RHPN1: variants seen among roughly 807,000 people sequenced by gnomAD.
RHPN1 encodes rhophilin Rho GTPase binding protein 1, also known as rhophilin-1.
A neutral mutation model predicts 74.7 loss-of-function variants in RHPN1; 77 were observed. That is an observed-to-expected ratio of 1.03 (90% CI 0.86 to 1.25). RHPN1 has a LOEUF of 1.25. Ranked by LOEUF, RHPN1 falls within the 50% of genes most tolerant of loss-of-function variation. The pLI, the probability that RHPN1 is intolerant of heterozygous loss-of-function variation, is 0.00. For synonymous variants in RHPN1, 444 were observed against 414.5 expected (o/e 1.07, Z -0.87); for missense variants, 987 against 932.2 (o/e 1.06, Z -0.77).
In RHPN1 at chr8:143,381,323, G is replaced by A. The variant is rs1482791450; in HGVS notation, c.1467G>A (p.Gly489=). 1 of 1,612,142 alleles carries A rather than the reference G, an allele frequency of 6.2e-7. No homozygotes were observed. Among genetic ancestry groups the A allele is most frequent in the Admixed American group, 1.7e-5 (1 of 59,854 alleles). Residue 489 remains glycine, a synonymous_variant, in exon 12 of 15, where the codon GGG becomes GGA. Coordinates refer to ENST00000289013, the MANE Select transcript of RHPN1 (RefSeq NM_052924.3). ...ARMPRLSQGK[G]PDIFHRLGPL... is the part of the protein sequence containing the mutation. ...TGCCACGCCTGTCCCAGGGGAAGGG[G>A]CCTGACATCTTCCATCGGCTGGTGA...
At position 143,382,331 on chromosome 8, in the gene RHPN1, C is replaced by T. The variant is rs1298543570; in HGVS notation, c.1798-105C>T. 11 of 1,010,976 alleles carry T rather than the reference C, an allele frequency of 1.1e-5. No individual in the cohort carries two copies. The East Asian group carries it at 2.4e-4, about 22-fold the overall frequency. The allele number at this position is 1,010,976 out of a possible 1,614,324, so 62.6% of individuals were successfully genotyped here. On this transcript the variant is annotated intron_variant, in intron 14 of 14. Transcript: ENST00000289013. ...TGATGGGAGCCCCCAAACAAGCCCC[C>T]GACGTGCCAGCCCCTCCCAGGTGGT...
Position 143,379,467 on chromosome 8 carries a change from G to A in RHPN1, c.904G>A (p.Asp302Asn), listed in dbSNP as rs1343912462. 1.9e-6 allele frequency: 3 copies of A among 1,569,174 alleles called. No homozygotes were observed. The South Asian group carries it at 3.5e-5, about 18-fold the overall frequency. The change falls in exon 8 of 15, where the codon GAC becomes AAC. Residue 302 changes from aspartate to asparagine, a missense_variant. Coordinates refer to ENST00000289013, the MANE Select transcript of RHPN1 (RefSeq NM_052924.3). Reference protein sequence around the residue: ...LSPPASMAPQDCLAQLRLAQE... With the variant: ...LSPPASMAPQNCLAQLRLAQE... The stretch of plus-strand genomic sequence containing the variant: ...ACCACCTGCCTCCATGGCCCCCCAA[G>A]ACTGCCTGGCCCAGCTGCGCCTGGC...
rs769635387 is a variant in RHPN1 at position 143,380,682 on chromosome 8, G to T, written c.1310G>T (p.Arg437Leu). 1.3e-6 allele frequency: 2 copies of T among 1,580,908 alleles called. No individual in the cohort carries two copies. Among genetic ancestry groups the T allele is most frequent in the East Asian group, 4.7e-5 (2 of 42,976 alleles). Residue 437 changes from arginine (R) to leucine (L), a missense_variant, in exon 11 of 15, where the codon CGG becomes CTG. Transcript: ENST00000289013. ...CRVLREVDLL[R>L]AVISQTLQRS... Reference sequence around the variant, plus strand: ...GTCCTGCGCGAGGTGGACCTGCTTCGGGCTGTGATCTCCCAGACGCTGCAG... The same window carrying T: ...GTCCTGCGCGAGGTGGACCTGCTTCTGGCTGTGATCTCCCAGACGCTGCAG...
Position 143,378,357 on chromosome 8 carries a change from C to CGGGGGGGCG in RHPN1, c.459+11_459+12insGGGGGGGCG. The stretch of plus-strand genomic sequence containing the variant: ...GAGGCCCTGCGGCAGGTGTGTGGTT[C>CGGGGGGGCG]CCCCGCCCACCCACCCTCCTGCAGC... On this transcript the variant is annotated intron_variant, in intron 5 of 14. Coordinates refer to ENST00000289013, the MANE Select transcript of RHPN1 (RefSeq NM_052924.3). The CGGGGGGGCG allele has an allele frequency of 6.6e-7, 1 of 1,520,944 alleles. No homozygotes were observed. The highest frequency in any genetic ancestry group is 8.9e-7 in the Non-Finnish European group (1 of 1,127,160). 94.2% of individuals were successfully genotyped at this position (1,520,944 alleles called of 1,614,324 possible). A position where few individuals can be genotyped will look rare whatever the true frequency, so the allele number is the denominator to read the frequency against.
At chr8:143,372,815 T>G (rs1036612646) in intron 1 of RHPN1, among the ~76,000 whole-genome samples, 2 of 53,830 alleles carry the variant, frequency 3.7e-5, no homozygotes, top group African/African-American at 8.7e-5. Context: ...GTCCAGCAGA[T>G]GGCGCAGGGG....
Position 143,380,638 on chromosome 8 carries a change from G to A in RHPN1, c.1266G>A (p.Arg422=), listed in dbSNP as rs1321631294. The A allele has an allele frequency of 3.2e-6, 5 of 1,558,698 alleles. No individual in the cohort carries two copies. The highest frequency in any genetic ancestry group is 2.7e-5 in the African/African-American group (2 of 73,554). ...TCCTGGGGCAGGAGGAGGCGCTGCG[G>A]CTGCACGCCCTGTGCCGCGTCCTGC... ...RAILGQEEAL[R]LHALCRVLRE... is the part of the protein sequence containing the mutation. The change falls in exon 11 of 15, where the codon CGG becomes CGA. Residue 422 remains arginine, a synonymous_variant. Coordinates refer to ENST00000289013, the MANE Select transcript of RHPN1 (RefSeq NM_052924.3).
rs1291169201 is a variant in RHPN1, at chr8:143,383,480, G to A, written c.*829G>A. 6.6e-6 allele frequency: 1 copy of A among 152,334 alleles called. No individual in the cohort carries two copies. Among genetic ancestry groups the A allele is most frequent in the Non-Finnish European group, 1.5e-5 (1 of 68,120 alleles). 9.4% of individuals were successfully genotyped at this position (152,334 alleles called of 1,614,324 possible). On this transcript the variant is annotated 3_prime_UTR_variant, in exon 15 of 15. Coordinates refer to ENST00000289013, the MANE Select transcript of RHPN1 (RefSeq NM_052924.3). ...CCTCCACAGGCCGTGAGCTGTCAGT[G>A]TCTCAAGCAGGGGAAGTGAGGGCTG... is the stretch of plus-strand genomic sequence containing the variant.
chr8:143,373,441 G>A (rs1343814835), intron 1 of RHPN1, among the ~76,000 whole-genome samples: 1 of 6,748 alleles, frequency 1.5e-4, no homozygotes, highest in Non-Finnish European at 4.4e-4. Context: ...CGGTGTGGGG[G>A]TTTGGGGATG....
chr8:143,374,061 T>C (rs781134083), intron 1 of RHPN1: 23 of 942,648 alleles, frequency 2.4e-5, no homozygotes, highest in Non-Finnish European at 2.7e-5. Flanking sequence ...CAAACCTTTC[T>C]TGTATAATGG....
At chr8:143,371,883 C>G (rs1032999025) in intron 1 of RHPN1, among the ~76,000 whole-genome samples, 1 of 152,204 alleles carries the variant, frequency 6.6e-6, no homozygotes, top group Non-Finnish European at 1.5e-5. Context: ...GTGTCTATGC[C>G]CCTTCCACTG....
Position 143,384,138 on chromosome 8 carries a change from T to C in RHPN1, c.*1487T>C, listed in dbSNP as rs184844978. Reference sequence around the variant, plus strand: ...TCCCCCACTTGCCCTTGTGGGAAAATCCCTGTCTCAGCAGAATGGGCCAAG... The same window carrying C: ...TCCCCCACTTGCCCTTGTGGGAAAACCCCTGTCTCAGCAGAATGGGCCAAG... On this transcript the variant is annotated 3_prime_UTR_variant, in exon 15 of 15. Transcript: ENST00000289013. 1 of 151,982 alleles carries C rather than the reference T, an allele frequency of 6.6e-6. No homozygotes were observed. Among genetic ancestry groups the C allele is most frequent in the African/African-American group, 2.4e-5 (1 of 41,426 alleles). The allele number at this position is 151,982 out of a possible 1,614,324, so 9.4% of individuals were successfully genotyped here.
Position 143,379,077 on chromosome 8 carries a change from T to C in RHPN1, c.750T>C (p.Ala250=). ...CTATGGAGGCCTTCCAGAGGGCCGCTGGTGAGGGCGGCCCGGGCCGCGGTG... is the reference window on the plus strand; with the variant it reads ...CTATGGAGGCCTTCCAGAGGGCCGCCGGTGAGGGCGGCCCGGGCCGCGGTG... The part of the protein sequence containing the change: ...RRAMEAFQRA[A]GAFSLLRENF... Residue 250 remains alanine (A), a splice_region_variant and synonymous_variant, in exon 7 of 15, where the codon GCT becomes GCC. Transcript: ENST00000289013. 1 of 1,510,322 alleles carries C rather than the reference T, an allele frequency of 6.6e-7. No individual in the cohort carries two copies. Among genetic ancestry groups the C allele is most frequent in the Non-Finnish European group, 8.8e-7 (1 of 1,130,780 alleles). The allele number at this position is 1,510,322 out of a possible 1,614,324, so 93.6% of individuals were successfully genotyped here.
Position 143,381,933 on chromosome 8 carries a change from G to T in RHPN1, c.1762G>T (p.Val588Leu). 6.2e-7 allele frequency: 1 copy of T among 1,609,474 alleles called. No homozygotes were observed. Among genetic ancestry groups the T allele is most frequent in the South Asian group, 1.1e-5 (1 of 90,646 alleles). The change falls in exon 14 of 15, where the codon GTG becomes TTG. Residue 588 changes from valine (V) to leucine (L), a missense_variant. Physicochemically the swap from Val to Leu is conservative, Grantham distance 32 (BLOSUM62 1). Coordinates refer to ENST00000289013, the MANE Select transcript of RHPN1 (RefSeq NM_052924.3). ...AGAGGCGGGCGCCAGCCTGCAGGTG[G>T]TGTCGCTGCTGCCCAGCTCTAGACT... ...AGEAGASLQVVSLLPSSRLPS... is the reference protein window; with the variant it reads ...AGEAGASLQVLSLLPSSRLPS...
upstream of RHPN1, chr8:143,366,870 T>A (rs1370249004): frequency 6.6e-6 from 1 of 152,252 alleles, no homozygotes; most frequent in East Asian, 1.9e-4. Flanking sequence ...CTCTGAAGAC[T>A]GCTAAGAGGG....
rs201736905 is a variant in RHPN1 at position 143,381,889 on chromosome 8, C to T, written c.1718C>T (p.Thr573Met). The change falls in exon 14 of 15, where the codon ACG becomes ATG. Residue 573 changes from threonine to methionine, a missense_variant. Transcript: ENST00000289013. ...TGGTGGAGACACGCGGAGGTGGTGACGGAGCTGAAGGCTGCGGGAGAGGCG... is the reference window on the plus strand; with the variant it reads ...TGGTGGAGACACGCGGAGGTGGTGATGGAGCTGAAGGCTGCGGGAGAGGCG... ...CRWWRHAEVV[T>M]ELKAAGEAGA... The T allele has an allele frequency of 1.6e-3, 2,575 of 1,612,876 alleles. 18 individuals carry two copies. Among genetic ancestry groups the T allele is most frequent in the South Asian group, 0.015 (1,323 of 91,060 alleles).
chr8:143,378,356 T>TCCAG lies in RHPN1; in HGVS notation c.459+12_459+13insAGCC. ...GGAGGCCCTGCGGCAGGTGTGTGGT[T>TCCAG]CCCCCGCCCACCCACCCTCCTGCAG... On this transcript the variant is annotated intron_variant, in intron 5 of 14. Transcript: ENST00000289013. The TCCAG allele has an allele frequency of 6.6e-7, 1 of 1,525,440 alleles. No individual in the cohort carries two copies. Among genetic ancestry groups the TCCAG allele is most frequent in the South Asian group, 1.2e-5 (1 of 83,568 alleles). The allele number at this position is 1,525,440 out of a possible 1,614,324, so 94.5% of individuals were successfully genotyped here. A position where few individuals can be genotyped will look rare whatever the true frequency, so the allele number is the denominator to read the frequency against.
chr8:143,375,652 G>T lies in RHPN1; in HGVS notation c.160G>T (p.Ala54Ser). 1 of 1,607,544 alleles carries T rather than the reference G, an allele frequency of 6.2e-7. No individual in the cohort carries two copies. The highest frequency in any genetic ancestry group is 8.5e-7 in the Non-Finnish European group (1 of 1,177,718). ...CAAGGAGCTGCAGATGCGGACGGGC[G>T]CTGAGAACCTCTACAGGTCAGTGCT... Reference protein sequence around the residue: ...IDKELQMRTGAENLYRATSNN... With the variant: ...IDKELQMRTGSENLYRATSNN... The change falls in exon 2 of 15, where the codon GCT becomes TCT. Residue 54 changes from alanine to serine, a missense_variant. Transcript: ENST00000289013.
Position 143,382,450 on chromosome 8 carries a change from C to G in RHPN1, c.1812C>G (p.Pro604=), listed in dbSNP as rs773348260. The G allele has an allele frequency of 4.4e-6, 7 of 1,573,112 alleles. No homozygotes were observed. The highest frequency in any genetic ancestry group is 6.0e-6 in the Non-Finnish European group (7 of 1,160,640). Residue 604 remains proline (P), a synonymous_variant, in exon 15 of 15, where the codon CCC becomes CCG. Transcript: ENST00000289013. ...CCCTGCTGCAGGGGGACCGCCGGCC[C>G]GTCCTGCTGGGCCCCAGGGGGCTTC... ...SRLPSLGDRR[P]VLLGPRGLLR... is the part of the protein sequence containing the mutation.
chr8:143,382,913 G>A lies in RHPN1; in HGVS notation c.*262G>A, dbSNP rs1274782048. 1 of 535,330 alleles carries A rather than the reference G, an allele frequency of 1.9e-6. No individual in the cohort carries two copies. The highest frequency in any genetic ancestry group is 3.4e-6 in the Non-Finnish European group (1 of 297,448). 33.2% of individuals were successfully genotyped at this position (535,330 alleles called of 1,614,324 possible). ...CTTCCTGGGGCTGCCCCACCCTGAGGGCTCCTTACAGGGTGCTCCTCACAG... is the reference window on the plus strand; with the variant it reads ...CTTCCTGGGGCTGCCCCACCCTGAGAGCTCCTTACAGGGTGCTCCTCACAG... On this transcript the variant is annotated 3_prime_UTR_variant, in exon 15 of 15. Coordinates refer to ENST00000289013, the MANE Select transcript of RHPN1 (RefSeq NM_052924.3).
Sources: gnomAD v4.1 joint callset for allele counts (sites outside exome capture counted in the v4.1 genomes callset) on GRCh38, gnomAD v4.1.1 for gene constraint, MANE v1.5 for transcripts, NCBI Gene and HGNC (gene_info 2026-07-23, HGNC 2026-07-21) for gene names.